PELI2: variants seen among roughly 807,000 people sequenced by gnomAD.
PELI2 encodes the protein pellino E3 ubiquitin protein ligase family member 2, also known as E3 ubiquitin-protein ligase pellino homolog 2.
In PELI2, 23 loss-of-function variants were observed where a neutral mutation model predicts 42.3. That is an observed-to-expected ratio of 0.54 (90% CI 0.39 to 0.77). The LOEUF is 0.77. Ranked by LOEUF, PELI2 falls within the 30% of genes least tolerant of loss-of-function variation. PELI2 has a pLI of 0.00. For synonymous variants in PELI2, 245 were observed against 212.2 expected (o/e 1.15, Z -1.34); for missense variants, 463 against 553.2 (o/e 0.84, Z 1.64).
At chr14:56,214,304 T>C (rs1347363370) in intron 2 of PELI2, among the ~76,000 whole-genome samples, 2 of 152,168 alleles carry the variant, frequency 1.3e-5, no homozygotes, top group African/African-American at 4.8e-5. Context: ...CTGGAAGCTA[T>C]GCAGTGGCCT....
rs369910177 is a variant in PELI2 at position 56,291,517 on chromosome 14, A to T, written c.696+1061A>T. Among the ~76,000 whole-genome samples the T allele has an allele frequency of 3.2e-4, 49 of 151,398 alleles. 1 individual carries two copies. The East Asian group carries it at 3.5e-3, about 11-fold the overall frequency. ...TGAATAAATATGAGAAGCATTTTCTAAAAAAAAAGCAAATTCAATAAATTT... is the reference window on the plus strand; with the variant it reads ...TGAATAAATATGAGAAGCATTTTCTTAAAAAAAAGCAAATTCAATAAATTT... On this transcript the variant is annotated intron_variant, in intron 5 of 5. Transcript: ENST00000267460.
chr14:56,151,431 C>T (rs1229874354), intron 1 of PELI2, among the ~76,000 whole-genome samples: 2 of 152,202 alleles, frequency 1.3e-5, no homozygotes, highest in African/African-American at 4.8e-5. Flanking sequence ...TGTTCTAGAA[C>T]AACATTACTT....
chr14:56,174,009 C>A (rs1157307034), intron 1 of PELI2, among the ~76,000 whole-genome samples: 1 of 152,210 alleles, frequency 6.6e-6, no homozygotes, highest in Non-Finnish European at 1.5e-5. Flanking sequence ...TCAAGTGATT[C>A]TCCTGCCTCA....
intron 3 of PELI2, among the ~76,000 whole-genome samples, chr14:56,287,492 T>A (rs775604241): frequency 9.9e-5 from 15 of 152,220 alleles, no homozygotes; most frequent in Non-Finnish European, 1.8e-4. Flanking sequence ...TTATAATACA[T>A]CTAATTTAGA....
At chr14:56,128,702 C>T (rs1403278939) in intron 1 of PELI2, among the ~76,000 whole-genome samples, 3 of 151,858 alleles carry the variant, frequency 2.0e-5, no homozygotes. Flanking sequence ...GTTGGAAAGT[C>T]AGGTTGGGGT....
At chr14:56,192,144 C>T (rs1293926590) in intron 2 of PELI2, among the ~76,000 whole-genome samples, 2 of 152,172 alleles carry the variant, frequency 1.3e-5, no homozygotes, top group Admixed American at 6.5e-5. Context: ...TGTGAGCCAC[C>T]GCACTTGGCC....
At chr14:56,182,429 C>T (rs894756023) in intron 2 of PELI2, among the ~76,000 whole-genome samples, 6 of 152,088 alleles carry the variant, frequency 3.9e-5, no homozygotes, top group East Asian at 3.9e-4. Context: ...GTGGTGGTGA[C>T]GGTGTGGATA....
intron 2 of PELI2, among the ~76,000 whole-genome samples, chr14:56,232,603 A>ATCTCAAAATAATATACGGGACG (rs1887627537): frequency 6.6e-6 from 1 of 151,838 alleles, no homozygotes. Context: ...TCAACGGGAC[A>ATCTCAAAATAATATACGGGACG]TATCTCAAAA....
chr14:56,222,072 CT>C (rs5808850), intron 2 of PELI2, among the ~76,000 whole-genome samples: 59 of 145,252 alleles, frequency 4.1e-4, no homozygotes, highest in African/African-American at 3.8e-4. Flanking sequence ...TAGCTTTGGA[CT>C]TTTTTTTTTT....
intron 1 of PELI2, among the ~76,000 whole-genome samples, chr14:56,160,205 G>A (rs1594596222): frequency 1.3e-5 from 2 of 152,090 alleles, no homozygotes; most frequent in East Asian, 3.9e-4. Flanking sequence ...GGAGTCAGTC[G>A]AGGCCTCCTG....
intron 2 of PELI2, among the ~76,000 whole-genome samples, chr14:56,186,026 A>C (rs543915811): frequency 2.0e-5 from 3 of 152,162 alleles, no homozygotes; most frequent in Non-Finnish European, 4.4e-5. Context: ...CATGAGACTT[A>C]AAATAGGGAG....
At chr14:56,285,683 G>A (rs578058817) in intron 3 of PELI2, among the ~76,000 whole-genome samples, 2 of 152,270 alleles carry the variant, frequency 1.3e-5, no homozygotes, top group East Asian at 3.9e-4. Flanking sequence ...AGCATGCGTG[G>A]TTTCAGTAGA....
intron 1 of PELI2, among the ~76,000 whole-genome samples, chr14:56,132,961 G>A (rs1392097842): frequency 1.3e-5 from 2 of 151,870 alleles, no homozygotes; most frequent in African/African-American, 4.8e-5. Context: ...CTTAAGGCAG[G>A]CCATTTATAT....
chr14:56,283,092 T>A (rs994274653), intron 3 of PELI2, among the ~76,000 whole-genome samples: 1 of 152,220 alleles, frequency 6.6e-6, no homozygotes, highest in Non-Finnish European at 1.5e-5. Flanking sequence ...TTCTTCGGAA[T>A]TTTTCAGAGT....
chr14:56,284,468 C>A (rs932140552), intron 3 of PELI2, among the ~76,000 whole-genome samples: 2 of 152,126 alleles, frequency 1.3e-5, no homozygotes, highest in Non-Finnish European at 2.9e-5. Flanking sequence ...GGGGCCCTTT[C>A]TCTCAGATTT....
chr14:56,163,917 A>G (rs1884858656), intron 1 of PELI2, among the ~76,000 whole-genome samples: 2 of 152,168 alleles, frequency 1.3e-5, no homozygotes, highest in South Asian at 2.1e-4. Flanking sequence ...GTATTCTGCA[A>G]CTTTACTGAA....
intron 1 of PELI2, among the ~76,000 whole-genome samples, chr14:56,175,462 A>G (rs1885338236): frequency 6.6e-6 from 1 of 152,232 alleles, no homozygotes; most frequent in Non-Finnish European, 1.5e-5. Context: ...AGGGAAGCTG[A>G]TATACACCAT....
chr14:56,158,318 G>T (rs185918566), intron 1 of PELI2, among the ~76,000 whole-genome samples: 1 of 151,462 alleles, frequency 6.6e-6, no homozygotes, highest in African/African-American at 2.4e-5. Flanking sequence ...GTGAGCTGCC[G>T]TGCCTGCCCA....
intron 1 of PELI2, among the ~76,000 whole-genome samples, chr14:56,171,549 T>C (rs1273490908): frequency 6.6e-6 from 1 of 152,250 alleles, no homozygotes; most frequent in East Asian, 1.9e-4. Flanking sequence ...TAGGTTTTCA[T>C]TGCCTACCGT....
Sources: allele counts gnomAD v4.1 joint callset (sites outside exome capture counted in the v4.1 genomes callset), GRCh38; gene constraint gnomAD v4.1.1; transcripts MANE v1.5; gene names NCBI Gene and HGNC (gene_info 2026-07-23, HGNC 2026-07-21).